C10orf88: variants seen among roughly 807,000 people sequenced by gnomAD.
C10orf88 encodes chromosome 10 open reading frame 88, also known as ATPase PAAT.
Under a neutral mutation model 34.2 loss-of-function variants are expected in C10orf88, and 29 were observed. That is an observed-to-expected ratio of 0.85 (90% CI 0.63 to 1.16). The LOEUF (loss-of-function observed/expected upper bound fraction) is 1.16. C10orf88 is among the 50% of genes most tolerant of loss of function. C10orf88 has a pLI of 0.00. For synonymous variants in C10orf88, 194 were observed against 197.4 expected, an observed-to-expected ratio of 0.98 and a Z score of 0.15; for missense variants, 507 against 533.2, an observed-to-expected ratio of 0.95 and a Z score of 0.48.
Position 122,951,238 on chromosome 10 carries a change from A to T in C10orf88, c.441+716T>A, listed in dbSNP as rs527825194. On this transcript the variant is annotated intron_variant, in intron 3 of 5. Coordinates refer to ENST00000481909, the MANE Select transcript of C10orf88 (RefSeq NM_024942.4). ...GAAACTTCTCTAATTTTGTTCTTTTATAAATGGGTTTTTGCCATCACAGTT... is the reference window on the plus strand; with the variant it reads ...GAAACTTCTCTAATTTTGTTCTTTTTTAAATGGGTTTTTGCCATCACAGTT... Among the ~76,000 whole-genome samples, 8 of 152,342 alleles carry T rather than the reference A, an allele frequency of 5.3e-5. No homozygotes were observed. In the East Asian group the frequency reaches 1.5e-3, roughly 29 times the overall value.
At chr10:122,951,629 T>C (rs1216124912) in intron 3 of C10orf88, among the ~76,000 whole-genome samples, 1 of 152,190 alleles carries the variant, frequency 6.6e-6, no homozygotes. Context: ...GTAATTTCTT[T>C]GTACATGTTT....
In C10orf88 at chr10:122,946,763, T is replaced by C. The variant is rs1309779412; in HGVS notation, c.648+1886A>G. 2.0e-5 allele frequency among the ~76,000 whole-genome samples: 3 copies of C among 152,166 alleles called. No homozygotes were observed. In the East Asian group the frequency reaches 5.8e-4, roughly 29 times the overall value. ...AAAGGTGTCATTAAAGATGTAACAT[T>C]AAAATGAGATCTGAATAAGAAAAAT... is the stretch of plus-strand genomic sequence containing the variant. On this transcript the variant is annotated intron_variant, in intron 4 of 5. Coordinates refer to ENST00000481909, the MANE Select transcript of C10orf88 (RefSeq NM_024942.4).
intron 4 of C10orf88, among the ~76,000 whole-genome samples, chr10:122,946,547 T>C (rs1225275189): frequency 1.3e-5 from 2 of 152,142 alleles, no homozygotes; most frequent in African/African-American, 4.8e-5. Flanking sequence ...ATCCCCACTG[T>C]GAATTGATGC....
At chr10:122,945,823 T>TG (rs1382633105) in intron 4 of C10orf88, among the ~76,000 whole-genome samples, 9 of 152,206 alleles carry the variant, frequency 5.9e-5, no homozygotes, top group Non-Finnish European at 5.9e-5. Context: ...CTGGGCATGG[T>TG]GGTTCACGCC....
intron 5 of C10orf88, 94 bp downstream of exon 5, chr10:122,937,611 T>C: frequency 8.7e-7 from 1 of 1,144,446 alleles, no homozygotes; most frequent in South Asian, 1.6e-5. Flanking sequence ...TGGAAACAAA[T>C]TTTAGGCAGT....
chr10:122,943,004 C>T (rs1195642875), intron 4 of C10orf88, among the ~76,000 whole-genome samples: 4 of 151,290 alleles, frequency 2.6e-5, no homozygotes, highest in East Asian at 1.9e-4. Flanking sequence ...TGACTTTCTT[C>T]ACAGAATTGG....
intron 3 of C10orf88, 51 bp from the exon 4 acceptor site, chr10:122,948,906 A>G: frequency 6.7e-7 from 1 of 1,492,224 alleles, no homozygotes; most frequent in Non-Finnish European, 9.2e-7. Flanking sequence ...AACAATAATC[A>G]TTTAATGTAA....
intron 4 of C10orf88, among the ~76,000 whole-genome samples, chr10:122,941,478 T>G (rs1197916423): frequency 6.6e-6 from 1 of 152,136 alleles, no homozygotes; most frequent in Non-Finnish European, 1.5e-5. Flanking sequence ...AGGTCCTTCC[T>G]TTCCCCCAAG....
At chr10:122,949,960 A>G (rs985848614) in intron 3 of C10orf88, among the ~76,000 whole-genome samples, 6 of 152,260 alleles carry the variant, frequency 3.9e-5, no homozygotes, top group African/African-American at 1.2e-4. Context: ...AGGACACTCA[A>G]TTAGTAAAGA....
intron 5 of C10orf88, among the ~76,000 whole-genome samples, chr10:122,933,902 A>G (rs1407430965): frequency 2.6e-5 from 4 of 152,166 alleles, no homozygotes; most frequent in African/African-American, 4.8e-5. Flanking sequence ...GCTTTTTTTC[A>G]TAAAGACTGT....
At chr10:122,938,894 T>C (rs955492173) in intron 4 of C10orf88, among the ~76,000 whole-genome samples, 5 of 152,130 alleles carry the variant, frequency 3.3e-5, no homozygotes, top group Middle Eastern at 3.4e-3. Flanking sequence ...AATTTTTCCA[T>C]TGGATAAAAG....
At position 122,952,019 on chromosome 10, in the gene C10orf88, C is replaced by T. The variant is rs891661621; in HGVS notation, c.376G>A (p.Glu126Lys). Residue 126 changes from glutamate (E) to lysine (K), a missense_variant, in exon 3 of 6, where the codon GAA (glutamate) becomes AAA (lysine). Coordinates refer to ENST00000481909, the MANE Select transcript of C10orf88 (RefSeq NM_024942.4). ...TTTTTTTTATACAAAATGATCTTTT[C>T]ATGTTCACTAAAAATAAAAAAGAAT... ...VCTVLDDSEH[E>K]KIILYKKNLK... 2 of 1,451,018 alleles carry T rather than the reference C, an allele frequency of 1.4e-6. No individual in the cohort carries two copies. Among genetic ancestry groups the T allele is most frequent in the African/African-American group, 2.8e-5 (2 of 70,532 alleles). 89.9% of individuals were successfully genotyped at this position (1,451,018 alleles called of 1,614,324 possible).
intron 3 of C10orf88, 85 bp from the exon 4 acceptor site, chr10:122,948,940 A>G: frequency 8.5e-7 from 1 of 1,173,432 alleles, no homozygotes; most frequent in Non-Finnish European, 1.2e-6. Flanking sequence ...CCTAAACAAG[A>G]GTGAAGTATT....
At chr10:122,932,868 A>C (rs74159924) in intron 5 of C10orf88, among the ~76,000 whole-genome samples, 1,566 of 152,298 alleles carry the variant, frequency 0.01, 25 homozygotes, top group African/African-American at 0.035. Context: ...CTTTTTTAGT[A>C]TACAATTGAA....
chr10:122,944,421 T>C (rs917196764), intron 4 of C10orf88, among the ~76,000 whole-genome samples: 6 of 151,218 alleles, frequency 4.0e-5, no homozygotes, highest in South Asian at 4.2e-4. Context: ...ATATACCTAA[T>C]GCTAGATAAC....
chr10:122,943,741 A>G (rs1305575091), intron 4 of C10orf88, among the ~76,000 whole-genome samples: 1 of 152,130 alleles, frequency 6.6e-6, no homozygotes, highest in East Asian at 1.9e-4. Context: ...TCTCAAAAGA[A>G]GACATTTATG....
chr10:122,945,012 G>A (rs1282931449), intron 4 of C10orf88, among the ~76,000 whole-genome samples: 23 of 141,972 alleles, frequency 1.6e-4, no homozygotes, highest in African/African-American at 6.0e-4. Flanking sequence ...ATATATATAT[G>A]TATATAGATA....
chr10:122,934,643 G>A (rs776985078), intron 5 of C10orf88, among the ~76,000 whole-genome samples: 1 of 152,164 alleles, frequency 6.6e-6, no homozygotes, highest in Non-Finnish European at 1.5e-5. Flanking sequence ...AAGTTTCTGT[G>A]TGGACCTGAG....
At chr10:122,948,519 C>T in intron 4 of C10orf88, 130 bp downstream of exon 4, 1 of 835,934 alleles carries the variant, frequency 1.2e-6, no homozygotes, top group Non-Finnish European at 1.8e-6. Flanking sequence ...CAAATGTTAA[C>T]TTCTACAAAA....
Sources: gnomAD v4.1 joint callset for allele counts (sites outside exome capture counted in the v4.1 genomes callset) on GRCh38, gnomAD v4.1.1 for gene constraint, MANE v1.5 for transcripts, NCBI Gene and HGNC (gene_info 2026-07-23, HGNC 2026-07-21) for gene names.